Variants in ECT2L observed in about 807,000 individuals in gnomAD.
ECT2L encodes the protein epithelial cell-transforming sequence 2 oncogene-like.
ECT2L carries 126 observed loss-of-function variants against 122.8 expected under a neutral mutation model. The observed-to-expected ratio is 1.03, with a 90% CI of 0.89 to 1.19. ECT2L has a LOEUF of 1.19. Among genes scored for constraint, ECT2L ranks in the 50% most tolerant of loss-of-function variants. The pLI, the probability that ECT2L is intolerant of heterozygous loss-of-function variation, is 0.00. For synonymous variants in ECT2L, 385 were observed against 381.8 expected (o/e 1.01, Z -0.10); for missense variants, 1,012 against 1,064.1 (o/e 0.95, Z 0.68).
intron 20 of ECT2L, among the ~76,000 whole-genome samples, chr6:138,896,473 A>G (rs373686266): frequency 5.4e-4 from 82 of 152,288 alleles, no homozygotes; most frequent in African/African-American, 1.9e-3. Flanking sequence ...ACTATGCAAC[A>G]GAGAAAATGT....
At chr6:138,855,370 G>T (rs185046834) in intron 10 of ECT2L, among the ~76,000 whole-genome samples, 2 of 152,030 alleles carry the variant, frequency 1.3e-5, no homozygotes, top group Non-Finnish European at 2.9e-5. Flanking sequence ...ATAGCTGGGC[G>T]TGGTGGCAGA....
At chr6:138,839,238 G>A (rs1776957164) in intron 5 of ECT2L, among the ~76,000 whole-genome samples, 1 of 152,154 alleles carries the variant, frequency 6.6e-6, no homozygotes, top group African/African-American at 2.4e-5. Context: ...TCTGTCAACA[G>A]CAGTTGAAAG....
At chr6:138,857,628 CCTT>C (rs1298353715) in intron 10 of ECT2L, among the ~76,000 whole-genome samples, 7 of 152,162 alleles carry the variant, frequency 4.6e-5, no homozygotes, top group African/African-American at 1.7e-4. Flanking sequence ...TTGAAATACT[CCTT>C]CTCTTGGTGT....
At chr6:138,848,492 T>A (rs1777311908) in intron 8 of ECT2L, among the ~76,000 whole-genome samples, 1 of 152,348 alleles carries the variant, frequency 6.6e-6, no homozygotes, top group South Asian at 2.1e-4. Flanking sequence ...TATGTATATA[T>A]GTGTACCTGT....
In ECT2L at chr6:138,882,762, G is replaced by A. The variant is rs971901485; in HGVS notation, c.1919G>A (p.Trp640Ter). The change falls in exon 16 of 22, where the codon TGG (tryptophan) becomes TAG (stop). Residue 640 changes from tryptophan to a stop codon, truncating the protein, a stop_gained. Transcript: ENST00000541398. LOFTEE classifies it high-confidence loss of function. Reference sequence around the variant, plus strand: ...AACCTGAGAGACAGACTGCAGGAATGGGGCCCAGCTCACTGTGTGGGAGAA... The same window carrying A: ...AACCTGAGAGACAGACTGCAGGAATAGGGCCCAGCTCACTGTGTGGGAGAA... ...LDNLRDRLQE[W>*]GPAHCVGEIV... 1.5e-5 allele frequency: 24 copies of A among 1,614,208 alleles called. No individual in the cohort carries two copies. The highest frequency in any genetic ancestry group is 2.0e-5 in the Non-Finnish European group (24 of 1,180,020).
chr6:138,819,141 C>T (rs982119674), intron 4 of ECT2L, among the ~76,000 whole-genome samples: 2 of 151,806 alleles, frequency 1.3e-5, no homozygotes, highest in Admixed American at 6.6e-5. Context: ...TGCACATGTT[C>T]CTGCCCTTCT....
chr6:138,885,873 A>G, intron 18 of ECT2L, 43 bp downstream of exon 18: 1 of 1,582,164 alleles, frequency 6.3e-7, no homozygotes, highest in Non-Finnish European at 8.6e-7. Flanking sequence ...ACATGTTACA[A>G]TGCCTTTGTG....
In ECT2L at chr6:138,881,111, T is replaced by C. The variant is rs1362723441; in HGVS notation, c.1820T>C (p.Leu607Pro). The C allele has an allele frequency of 6.2e-6, 10 of 1,614,234 alleles. No individual in the cohort carries two copies. The highest frequency in any genetic ancestry group is 1.3e-5 in the African/African-American group (1 of 75,068). The part of the protein sequence containing the change: ...KAALSSNRAI[L>P]SAANIQIIFC... ...GCATTGTCATCAAACAGAGCGATTC[T>C]GAGTGCTGCCAATATCCAGATCATT... is the stretch of plus-strand genomic sequence containing the variant. Residue 607 changes from leucine to proline, a missense_variant, in exon 15 of 22, where the codon CTG (leucine) becomes CCG (proline). Transcript: ENST00000541398.
At position 138,844,571 on chromosome 6, in the gene ECT2L, T is replaced by C. The variant is rs752783593; in HGVS notation, c.755T>C (p.Leu252Ser). The C allele has an allele frequency of 1.2e-6, 2 of 1,614,046 alleles. No homozygotes were observed. The highest frequency in any genetic ancestry group is 4.5e-5 in the East Asian group (2 of 44,876). The change falls in exon 7 of 22, where the codon TTG (leucine) becomes TCG (serine). Residue 252 changes from leucine to serine, a missense_variant. By Grantham distance (145) the Leu-to-Ser change is moderately radical. Coordinates refer to ENST00000541398, the MANE Select transcript of ECT2L (RefSeq NM_001077706.3). ...KQLVLTSLET[L>S]PKRSNISGSH... ...CTTGTTTTGACATCGTTAGAAACCT[T>C]GCCCAAGCGGTAAGCAAAATTCCAT... is the stretch of plus-strand genomic sequence containing the variant.
rs561171935 is a variant in ECT2L at position 138,876,215 on chromosome 6, C to G, written c.1579-257C>G. Among the ~76,000 whole-genome samples, 72 of 152,148 alleles carry G rather than the reference C, an allele frequency of 4.7e-4. 1 individual carries two copies. Among genetic ancestry groups the G allele is most frequent in the Admixed American group, 4.6e-4 (7 of 15,290 alleles). ...CAGCCCAGCATCACTTCCCTGGCTC[C>G]CAAGGAAGAGGGAGCTACGCTGGAT... On this transcript the variant is annotated intron_variant, in intron 13 of 21. Coordinates refer to ENST00000541398, the MANE Select transcript of ECT2L (RefSeq NM_001077706.3).
At chr6:138,864,950 C>T (rs772031910) in intron 11 of ECT2L, 46 bp from the exon 12 acceptor site, 1 of 1,555,584 alleles carries the variant, frequency 6.4e-7, no homozygotes, top group Admixed American at 1.8e-5. Context: ...AGAATTGTTT[C>T]ATCTGAGCTC....
intron 4 of ECT2L, among the ~76,000 whole-genome samples, chr6:138,830,996 C>A (rs1216266676): frequency 6.6e-6 from 1 of 152,096 alleles, no homozygotes; most frequent in Non-Finnish European, 1.5e-5. Context: ...TTGAGAACAC[C>A]CCAAAACCAA....
intron 7 of ECT2L, among the ~76,000 whole-genome samples, chr6:138,845,924 A>T (rs1396309427): frequency 6.6e-6 from 1 of 152,016 alleles, no homozygotes; most frequent in Non-Finnish European, 1.5e-5. Flanking sequence ...CCAAAAAAAA[A>T]TCTGGGTGTG....
chr6:138,891,648 T>C (rs532955165), intron 20 of ECT2L, among the ~76,000 whole-genome samples: 1 of 152,232 alleles, frequency 6.6e-6, no homozygotes, highest in Non-Finnish European at 1.5e-5. Context: ...ATCAAATGAA[T>C]GTATACCTTA....
At chr6:138,823,365 A>G in intron 4 of ECT2L, 2 of 1,606,438 alleles carry the variant, frequency 1.2e-6, no homozygotes, top group South Asian at 1.1e-5. Context: ...AGAGATCTGC[A>G]TTGGATTTGT....
rs1777229332 is a variant in ECT2L at position 138,846,587 on chromosome 6, T to A, written c.813T>A (p.Asn271Lys). 1 of 1,609,574 alleles carries A rather than the reference T, an allele frequency of 6.2e-7. No individual in the cohort carries two copies. The highest frequency in any genetic ancestry group is 2.2e-5 in the East Asian group (1 of 44,822). Residue 271 changes from asparagine to lysine, a missense_variant, in exon 8 of 22, where the codon AAT becomes AAA. Coordinates refer to ENST00000541398, the MANE Select transcript of ECT2L (RefSeq NM_001077706.3). ...CCTACCCTTTATTATCAAAGAAAAA[T>A]TGGCATGGAGTTCATAAAAATGATG... The part of the protein sequence containing the change: ...SHSYPLLSKK[N>K]WHGVHKNDDR...
intron 4 of ECT2L, among the ~76,000 whole-genome samples, chr6:138,831,175 C>A (rs1482556453): frequency 1.3e-5 from 2 of 152,188 alleles, no homozygotes; most frequent in Non-Finnish European, 2.9e-5. Flanking sequence ...ACATCTCTAT[C>A]AATACCAGCT....
At chr6:138,859,500 A>G (rs920665709) in intron 10 of ECT2L, among the ~76,000 whole-genome samples, 1 of 152,210 alleles carries the variant, frequency 6.6e-6, no homozygotes, top group Non-Finnish European at 1.5e-5. Flanking sequence ...CATTTCCACA[A>G]GCAGTATCTG....
chr6:138,844,697 G>A, intron 7 of ECT2L, 117 bp downstream of exon 7: 1 of 876,502 alleles, frequency 1.1e-6, no homozygotes, highest in Non-Finnish European at 1.7e-6. Context: ...CATATCCTAT[G>A]AAATATCAGT....
Sources: allele counts gnomAD v4.1 joint callset (sites outside exome capture counted in the v4.1 genomes callset), GRCh38; gene constraint gnomAD v4.1.1; transcripts MANE v1.5; gene names NCBI Gene and HGNC (gene_info 2026-07-23, HGNC 2026-07-21).